TNRC6B: variants seen among roughly 807,000 people sequenced by gnomAD.
The protein encoded by TNRC6B is trinucleotide repeat containing adaptor 6B, also known as trinucleotide repeat-containing gene 6B protein.
In TNRC6B, 52 loss-of-function variants were observed where a neutral mutation model predicts 203.6. That is an observed-to-expected ratio of 0.26 (90% CI 0.20 to 0.32). The LOEUF is 0.32. Ranked by LOEUF, TNRC6B falls within the 10% of genes least tolerant of loss-of-function variation. TNRC6B has a pLI of 1.00. For missense variants in TNRC6B, 1,923 were observed against 2,286.2 expected, an observed-to-expected ratio of 0.84 and a Z score of 3.24; for synonymous variants, 838 against 845.7, an observed-to-expected ratio of 0.99 and a Z score of 0.16.
intron 1 of TNRC6B, among the ~76,000 whole-genome samples, chr22:40,231,696 C>G (rs551309527): frequency 6.6e-6 from 1 of 152,024 alleles, no homozygotes; most frequent in East Asian, 1.9e-4. Context: ...TATAGGGAAT[C>G]GAAGGTTCAC....
At chr22:40,197,498 A>G (rs993924804) in intron 1 of TNRC6B, among the ~76,000 whole-genome samples, 15 of 151,962 alleles carry the variant, frequency 9.9e-5, no homozygotes, top group Admixed American at 9.2e-4. Flanking sequence ...TATGTTGGCC[A>G]GGCTGTTCTC....
At chr22:40,084,810 G>A (rs758756756) in intron 1 of TNRC6B, among the ~76,000 whole-genome samples, 4 of 152,182 alleles carry the variant, frequency 2.6e-5, no homozygotes, top group African/African-American at 7.2e-5. Context: ...GTCAGATGAC[G>A]AAGGGTTTTG....
chr22:40,208,170 T>C (rs2146417381), intron 1 of TNRC6B, among the ~76,000 whole-genome samples: 1 of 151,440 alleles, frequency 6.6e-6, no homozygotes, highest in South Asian at 2.1e-4. Context: ...GGTGTGGTTA[T>C]GGAATAGCAG....
chr22:40,054,627 G>A (rs1182015593), intron 1 of TNRC6B, among the ~76,000 whole-genome samples: 2 of 152,128 alleles, frequency 1.3e-5, no homozygotes, highest in African/African-American at 4.8e-5. Context: ...AAAATACTCT[G>A]TTTTATTCAC....
At chr22:40,160,337 G>A (rs1384134274) in intron 4 of TNRC6B, among the ~76,000 whole-genome samples, 1 of 151,954 alleles carries the variant, frequency 6.6e-6, no homozygotes, top group Non-Finnish European at 1.5e-5. Context: ...TTAGCTGGGC[G>A]TGGTGGTACA....
rs1183979478 is a variant in TNRC6B, at chr22:40,080,110, T to G, written c.-121+35112T>G. Among the ~76,000 whole-genome samples the G allele has an allele frequency of 2.8e-4, 42 of 149,242 alleles. 2 individuals are homozygous for G. The highest frequency in any genetic ancestry group is 1.2e-3 in the Admixed American group (18 of 15,002). ...GTGCCTGGCCTTTTTTTTTTTTTTTTTTTGTGTAGAGACACAGGTCTCACT... is the reference window on the plus strand; with the variant it reads ...GTGCCTGGCCTTTTTTTTTTTTTTTGTTTGTGTAGAGACACAGGTCTCACT... On this transcript the variant is annotated intron_variant, in intron 1 of 23. Coordinates refer to the TNRC6B transcript ENST00000301923.
intron 1 of TNRC6B, among the ~76,000 whole-genome samples, chr22:40,109,808 T>C (rs1601820207): frequency 6.6e-6 from 1 of 152,204 alleles, no homozygotes; most frequent in African/African-American, 2.4e-5. Context: ...CTCTACGTTC[T>C]CTAAACTTCT....
Position 40,169,828 on chromosome 22 carries a change from A to G in TNRC6B, c.113+13646A>G, listed in dbSNP as rs2068954688. Reference sequence around the variant, plus strand: ...ATAGGAAAAATTAAAAGGTACTCACATATCATATTAAATACGTAGACATAT... The same window carrying G: ...ATAGGAAAAATTAAAAGGTACTCACGTATCATATTAAATACGTAGACATAT... On this transcript the variant is annotated intron_variant, in intron 4 of 23. Transcript: ENST00000301923. 2.0e-5 allele frequency among the ~76,000 whole-genome samples: 3 copies of G among 152,202 alleles called. No homozygotes were observed. In the South Asian group the frequency reaches 6.2e-4, roughly 31 times the overall value.
rs557918352 is a variant in TNRC6B, at chr22:40,145,850, AG to A, written c.46-10264del. Reference sequence around the variant, plus strand: ...AGCGAGACTTTGTCTCAAAAAAAAAAGCAGGTTTGGGAGTGAATAGGATGCA... The same window carrying A: ...AGCGAGACTTTGTCTCAAAAAAAAAACAGGTTTGGGAGTGAATAGGATGCA... On this transcript the variant is annotated intron_variant, in intron 3 of 23. Coordinates refer to the TNRC6B transcript ENST00000301923. Among the ~76,000 whole-genome samples the A allele has an allele frequency of 3.0e-3, 448 of 149,974 alleles. 1 individual carries two copies. The highest frequency in any genetic ancestry group is 6.9e-3 in the Middle Eastern group (2 of 288).
intron 1 of TNRC6B, among the ~76,000 whole-genome samples, chr22:40,221,409 G>A (rs978932748): frequency 4.6e-5 from 7 of 152,210 alleles, no homozygotes; most frequent in African/African-American, 1.7e-4. Flanking sequence ...AATTCATCTA[G>A]CTGAAGATTT....
At chr22:40,309,578 C>T (rs1448907588) in intron 16 of TNRC6B, among the ~76,000 whole-genome samples, 1 of 152,186 alleles carries the variant, frequency 6.6e-6, no homozygotes, top group Admixed American at 6.5e-5. Flanking sequence ...ACTGAATAAT[C>T]TAAGCCCACT....
At chr22:40,235,334 C>T (rs1440547670) in intron 1 of TNRC6B, among the ~76,000 whole-genome samples, 1 of 152,038 alleles carries the variant, frequency 6.6e-6, no homozygotes, top group Admixed American at 6.6e-5. Flanking sequence ...GGTCAGGTGA[C>T]GCCCAGCACC....
At chr22:40,197,505 T>C (rs2069356081) in intron 1 of TNRC6B, among the ~76,000 whole-genome samples, 1 of 151,880 alleles carries the variant, frequency 6.6e-6, no homozygotes, top group African/African-American at 2.4e-5. Context: ...GCCAGGCTGT[T>C]CTCAAACTCC....
intron 1 of TNRC6B, among the ~76,000 whole-genome samples, chr22:40,082,223 T>C (rs2068068854): frequency 1.3e-5 from 2 of 152,144 alleles, no homozygotes; most frequent in Non-Finnish European, 2.9e-5. Flanking sequence ...TGTTATATGC[T>C]ATGAAGAAAA....
chr22:40,245,352 G>A (rs979023046), intron 1 of TNRC6B, among the ~76,000 whole-genome samples: 2 of 152,008 alleles, frequency 1.3e-5, no homozygotes, highest in Non-Finnish European at 2.9e-5. Flanking sequence ...CAGCCTCCCA[G>A]AGTGCTGGGA....
chr22:40,335,477 CAA>C lies in TNRC6B; in HGVS notation c.*12251_*12252del, dbSNP rs60000368. On this transcript the variant is annotated 3_prime_UTR_variant, in exon 23 of 23. Transcript: ENST00000454349. ...GTACTGTATTTCTCATGCTGGATTT[CAA>C]AAAAAAAAAAAAAAGTATCAAAAAC... 30 of 86,806 alleles carry C rather than the reference CAA, an allele frequency of 3.5e-4. No individual in the cohort carries two copies. The highest frequency in any genetic ancestry group is 5.3e-4 in the Non-Finnish European group (21 of 39,578). 5.4% of individuals were successfully genotyped at this position (86,806 alleles called of 1,614,324 possible). A position where few individuals can be genotyped will look rare whatever the true frequency, so the allele number is the denominator to read the frequency against.
chr22:40,150,421 T>C (rs1288098380), intron 3 of TNRC6B, among the ~76,000 whole-genome samples: 4 of 151,870 alleles, frequency 2.6e-5, no homozygotes, highest in Non-Finnish European at 5.9e-5. Flanking sequence ...CAAGCATAAA[T>C]CCACCAGAAA....
intron 6 of TNRC6B, among the ~76,000 whole-genome samples, chr22:40,271,481 A>C (rs1183925373): frequency 1.3e-5 from 2 of 152,228 alleles, no homozygotes; most frequent in African/African-American, 4.8e-5. Context: ...ATTTGACTAC[A>C]TTTTAAAAAT....
chr22:40,233,537 G>A (rs572386411), intron 1 of TNRC6B, among the ~76,000 whole-genome samples: 11 of 149,064 alleles, frequency 7.4e-5, no homozygotes, highest in Admixed American at 1.3e-4. Context: ...CAGGAGAATC[G>A]CTTGAACTCA....
Sources: allele counts gnomAD v4.1 joint callset (sites outside exome capture counted in the v4.1 genomes callset), GRCh38; gene constraint gnomAD v4.1.1; transcripts MANE v1.5; gene names NCBI Gene and HGNC (gene_info 2026-07-23, HGNC 2026-07-21).